EPHA4: variants seen among roughly 807,000 people sequenced by gnomAD.
EPHA4 encodes ephrin type-A receptor 4.
In EPHA4, 19 loss-of-function variants were observed where a neutral mutation model predicts 108.3. That is an observed-to-expected ratio of 0.18 (90% CI 0.12 to 0.26). EPHA4 has a LOEUF of 0.26. Ranked by LOEUF, EPHA4 falls within the 10% of genes least tolerant of loss-of-function variation. The pLI is 1.00. For missense variants in EPHA4, 917 were observed against 1,254.0 expected, an observed-to-expected ratio of 0.73 and a Z score of 4.06; for synonymous variants, 449 against 455.5, an observed-to-expected ratio of 0.99 and a Z score of 0.18.
rs71406572 is a variant in EPHA4 at position 221,550,418 on chromosome 2, G to GGAGA, written c.823+13309_823+13312dup. On this transcript the variant is annotated intron_variant, in intron 3 of 17. Transcript: ENST00000281821. The stretch of plus-strand genomic sequence containing the variant: ...AGTACCAAAACCTGATGAGGAAAGG[G>GGAGA]GAGAGAGAGAGAGAGAGAGAGAGAG... 5.0e-3 allele frequency among the ~76,000 whole-genome samples: 679 copies of GGAGA among 135,644 alleles called. 2 individuals are homozygous for GGAGA. Among genetic ancestry groups the GGAGA allele is most frequent in the Middle Eastern group, 0.022 (6 of 274 alleles). The allele number at this position is 135,644 out of a possible 152,430, so 89.0% of individuals were successfully genotyped here. A position where few individuals can be genotyped will look rare whatever the true frequency, so the allele number is the denominator to read the frequency against.
chr2:221,454,962 T>TG (rs1167017379), intron 8 of EPHA4, among the ~76,000 whole-genome samples: 1 of 152,166 alleles, frequency 6.6e-6, no homozygotes, highest in Non-Finnish European at 1.5e-5. Context: ...TGGCTTTTCC[T>TG]GGGGGAAGAC....
chr2:221,564,295 CAGT>C lies in EPHA4; in HGVS notation c.256_258del (p.Thr86del). 3 of 1,614,156 alleles carry C rather than the reference CAGT, an allele frequency of 1.9e-6. No homozygotes were observed. The highest frequency in any genetic ancestry group is 2.5e-6 in the Non-Finnish European group (3 of 1,180,032). ...TGAGCCCCTTCTCGGGTGATCCAAT[CAGT>C]TCGTAGCCAGTTATTCTGGCTGGGT... On this transcript the variant is annotated inframe_deletion, in exon 3 of 18. Transcript: ENST00000281821.
intron 5 of EPHA4, 138 bp from the exon 6 acceptor site, chr2:221,458,128 C>T: frequency 9.8e-7 from 1 of 1,023,684 alleles, no homozygotes; most frequent in Non-Finnish European, 1.4e-6. Context: ...TTTTACTCTT[C>T]AGTATAGAAG....
At chr2:221,440,231 T>C (rs905281776) in intron 11 of EPHA4, among the ~76,000 whole-genome samples, 1 of 152,244 alleles carries the variant, frequency 6.6e-6, no homozygotes, top group African/African-American at 2.4e-5. Flanking sequence ...AACTGCATTA[T>C]GCAAATGCAT....
At chr2:221,461,124 C>T (rs539517290) in intron 5 of EPHA4, among the ~76,000 whole-genome samples, 6 of 152,302 alleles carry the variant, frequency 3.9e-5, no homozygotes, top group East Asian at 1.9e-4. Flanking sequence ...GATATATGGG[C>T]ACCCGCTTGA....
chr2:221,572,364 G>C (rs962662510), upstream of EPHA4: 11 of 877,204 alleles, frequency 1.3e-5, no homozygotes, highest in East Asian at 2.2e-4. Context: ...CCGGTGACGT[G>C]AGCCCGCCAG....
intron 3 of EPHA4, among the ~76,000 whole-genome samples, chr2:221,509,188 C>T (rs1019842498): frequency 7.2e-5 from 11 of 152,054 alleles, no homozygotes; most frequent in Admixed American, 2.0e-4. Context: ...ATTAGCCAGG[C>T]GTGGTGGCCC....
intron 2 of EPHA4, 102 bp downstream of exon 2, chr2:221,568,616 C>A (rs1694737939): frequency 3.4e-6 from 3 of 874,128 alleles, no homozygotes; most frequent in Non-Finnish European, 3.6e-6. Context: ...GGAAATCTGA[C>A]CCCCTCACCA....
intron 5 of EPHA4, among the ~76,000 whole-genome samples, chr2:221,468,634 G>T (rs1691389599): frequency 6.6e-6 from 1 of 152,138 alleles, no homozygotes; most frequent in African/African-American, 2.4e-5. Flanking sequence ...TAAAAGCCAG[G>T]GTGATAGATG....
intron 3 of EPHA4, among the ~76,000 whole-genome samples, chr2:221,520,905 T>G (rs1199038236): frequency 6.6e-6 from 1 of 152,240 alleles, no homozygotes; most frequent in African/African-American, 2.4e-5. Context: ...AAAAGGCTAC[T>G]ACACATTCAA....
intron 9 of EPHA4, among the ~76,000 whole-genome samples, chr2:221,444,756 T>TC (rs1690538934): frequency 7.4e-6 from 1 of 134,350 alleles, no homozygotes; most frequent in South Asian, 2.6e-4. Context: ...TTTTTTTTTT[T>TC]TTTTTTTTTT....
intron 3 of EPHA4, among the ~76,000 whole-genome samples, chr2:221,524,277 C>T (rs577058321): frequency 6.6e-6 from 1 of 152,332 alleles, no homozygotes; most frequent in South Asian, 2.1e-4. Flanking sequence ...GCCTGAGCAC[C>T]CTTTAATGCT....
chr2:221,451,022 T>C (rs2106113013), intron 8 of EPHA4, among the ~76,000 whole-genome samples: 1 of 152,294 alleles, frequency 6.6e-6, no homozygotes, highest in South Asian at 2.1e-4. Context: ...GAGACCAGCC[T>C]GGCCAACATG....
rs1491124808 is a variant in EPHA4, at chr2:221,571,827, AAT to A, written c.91+329_91+330del. Among the ~76,000 whole-genome samples the A allele has an allele frequency of 6.6e-6, 1 of 151,926 alleles. No individual in the cohort carries two copies. The highest frequency in any genetic ancestry group is 1.5e-5 in the Non-Finnish European group (1 of 67,958). On this transcript the variant is annotated intron_variant, in intron 1 of 17. Coordinates refer to ENST00000281821, the MANE Select transcript of EPHA4 (RefSeq NM_004438.5). This position sits in a 1 kb window ranked among gnomAD's most constrained non-coding sequence, Gnocchi z 6.3. ...GCTCAGGAGAGGACGTGGTTCTTGT[AAT>A]TTTTTTTTTAAATCCCGGCGTTGTC...
At chr2:221,516,029 T>C (rs1333821982) in intron 3 of EPHA4, among the ~76,000 whole-genome samples, 1 of 151,164 alleles carries the variant, frequency 6.6e-6, no homozygotes, top group Non-Finnish European at 1.5e-5. Context: ...AAACATAGCA[T>C]TAAAAATTTT....
intron 9 of EPHA4, among the ~76,000 whole-genome samples, chr2:221,444,386 A>C (rs940053994): frequency 6.6e-6 from 1 of 152,132 alleles, no homozygotes; most frequent in Non-Finnish European, 1.5e-5. Flanking sequence ...TTGTCCTGGC[A>C]CTTGCACCTC....
In EPHA4 at chr2:221,429,988, C is replaced by G; in HGVS notation, c.2660G>C (p.Ser887Thr). 7 of 1,613,896 alleles carry G rather than the reference C, an allele frequency of 4.3e-6. No individual in the cohort carries two copies. Among genetic ancestry groups the G allele is most frequent in the Non-Finnish European group, 5.9e-6 (7 of 1,179,942 alleles). Residue 887 changes from serine (S) to threonine (T), a missense_variant, in exon 15 of 18, where the codon AGC becomes ACC. This residue lies in a region of EPHA4 where 133 missense variants were observed against 132.8 expected (regional missense o/e 1.00). Transcript: ENST00000281821. ...MLDKLIRNPN[S>T]LKRTGTESSR... ...GCTCTCCGTCCCTGTCCTCTTCAAG[C>G]TGTTGGGGTTGCGGATGAGTTTGTC...
chr2:221,430,794 T>A (rs3755038), intron 14 of EPHA4, among the ~76,000 whole-genome samples: 102,884 of 151,782 alleles, frequency 0.68, 36,542 homozygotes, highest in Non-Finnish European at 0.78. Context: ...AGATTTTTTT[T>A]AAAAAAGTAA....
chr2:221,513,454 G>T (rs1574625254), intron 3 of EPHA4, among the ~76,000 whole-genome samples: 1 of 152,328 alleles, frequency 6.6e-6, no homozygotes, highest in South Asian at 2.1e-4. Flanking sequence ...GATTTATGCA[G>T]CTGAAATGAC....
Sources: gnomAD v4.1 joint callset for allele counts (sites outside exome capture counted in the v4.1 genomes callset) on GRCh38, gnomAD v4.1.1 for gene constraint, gnomAD v4.1.1 regional missense constraint, Gnocchi (gnomAD v3.1) non-coding constraint, MANE v1.5 for transcripts, NCBI Gene and HGNC (gene_info 2026-07-23, HGNC 2026-07-21) for gene names.